Variants in EPCAM observed in about 807,000 individuals in gnomAD.
The protein encoded by EPCAM is epithelial cell adhesion molecule.
Under a neutral mutation model 40.0 loss-of-function variants are expected in EPCAM, and 39 were observed. The observed-to-expected ratio is 0.98, with a 90% CI of 0.76 to 1.27. EPCAM has a LOEUF of 1.27. EPCAM is among the 50% of genes most tolerant of loss of function. The pLI, the probability that EPCAM is intolerant of heterozygous loss-of-function variation, is 0.00. For missense variants in EPCAM, 503 were observed against 381.2 expected, an observed-to-expected ratio of 1.32 and a Z score of -2.66; for synonymous variants, 168 against 132.3, an observed-to-expected ratio of 1.27 and a Z score of -1.85.
At chr2:47,378,720 A>G (rs537985079) in intron 5 of EPCAM, among the ~76,000 whole-genome samples, 2 of 152,280 alleles carry the variant, frequency 1.3e-5, no homozygotes, top group East Asian at 1.9e-4. Context: ...AAAATTGTAC[A>G]TTGTAATTAT....
At chr2:47,380,398 A>AT (rs1165551282) in intron 7 of EPCAM, among the ~76,000 whole-genome samples, 1 of 152,150 alleles carries the variant, frequency 6.6e-6, no homozygotes, top group East Asian at 1.9e-4. Flanking sequence ...TTTTTAAATA[A>AT]TTTTTTTATG....
intron 7 of EPCAM, among the ~76,000 whole-genome samples, chr2:47,381,538 A>T (rs940229486): frequency 2.6e-5 from 4 of 151,924 alleles, no homozygotes. Flanking sequence ...TTCCTATTTC[A>T]CTCCACCAGG....
At chr2:47,384,099 A>G (rs1478289599) in intron 7 of EPCAM, among the ~76,000 whole-genome samples, 3 of 148,264 alleles carry the variant, frequency 2.0e-5, no homozygotes, top group Non-Finnish European at 4.5e-5. Flanking sequence ...GAAAGTTTTT[A>G]TTTTATTTTA....
At position 47,371,168 on chromosome 2, in the gene EPCAM, G is replaced by A. The variant is rs762830904; in HGVS notation, c.76+1587G>A. ...CCTTAAAAACAAGATTTAAAATGGT[G>A]ACTGGTATGTTGCACCGTTATTCAA... On this transcript the variant is annotated intron_variant, in intron 1 of 8. Transcript: ENST00000263735. Among the ~76,000 whole-genome samples, 4 of 151,450 alleles carry A rather than the reference G, an allele frequency of 2.6e-5. No individual in the cohort carries two copies. In the South Asian group the frequency reaches 8.3e-4, roughly 32 times the overall value.
intron 2 of EPCAM, 80 bp from the exon 3 acceptor site, chr2:47,373,728 G>A (rs1671345853): frequency 6.3e-6 from 10 of 1,582,354 alleles, no homozygotes; most frequent in Non-Finnish European, 8.7e-6. Context: ...TTTGACCCTG[G>A]AACTTTAGAG....
At chr2:47,378,333 C>T in intron 5 of EPCAM, among the ~76,000 whole-genome samples, 1 of 135,062 alleles carries the variant, frequency 7.4e-6, no homozygotes, top group South Asian at 2.3e-4. Context: ...CGGAGTTTCG[C>T]TCTTGTTGCC....
Position 47,386,641 on chromosome 2 carries a change from G to A in EPCAM, c.*28G>A, listed in dbSNP as rs766267508. 1.9e-5 allele frequency: 30 copies of A among 1,547,268 alleles called. No individual in the cohort carries two copies. Among genetic ancestry groups the A allele is most frequent in the Non-Finnish European group, 2.6e-5 (29 of 1,120,494 alleles). On this transcript the variant is annotated 3_prime_UTR_variant, in exon 9 of 9. Coordinates refer to ENST00000263735, the MANE Select transcript of EPCAM (RefSeq NM_002354.3). ...ATATAATTTGAAGATTATAGAAGAAGGGAAATAGCAAATGGACACAAATTA... is the reference window on the plus strand; with the variant it reads ...ATATAATTTGAAGATTATAGAAGAAAGGAAATAGCAAATGGACACAAATTA...
At chr2:47,377,649 C>G (rs1048832470) in intron 5 of EPCAM, 2 of 290,932 alleles carry the variant, frequency 6.9e-6, no homozygotes, top group Non-Finnish European at 1.4e-5. Flanking sequence ...GTTTTCTTAT[C>G]CTGGAGAACC....
chr2:47,381,737 A>T (rs1014708814), intron 7 of EPCAM, among the ~76,000 whole-genome samples: 59 of 152,324 alleles, frequency 3.9e-4, no homozygotes, highest in African/African-American at 1.3e-3. Context: ...AAGGCAAGAA[A>T]TCTGGAATCC....
intron 1 of EPCAM, among the ~76,000 whole-genome samples, chr2:47,373,219 A>AC (rs1371610056): frequency 1.3e-5 from 2 of 148,742 alleles, no homozygotes; most frequent in East Asian, 3.9e-4. Flanking sequence ...AAAAAAAAAA[A>AC]AAAAAAAAAA....
intron 7 of EPCAM, among the ~76,000 whole-genome samples, chr2:47,380,862 G>A (rs1158479942): frequency 6.6e-6 from 1 of 152,096 alleles, no homozygotes; most frequent in Non-Finnish European, 1.5e-5. Flanking sequence ...GCTGAGGCGG[G>A]TAGATCACTT....
At position 47,386,465 on chromosome 2, in the gene EPCAM, A is replaced by G; in HGVS notation, c.904-107A>G. On this transcript the variant is annotated intron_variant, in intron 8 of 8. Transcript: ENST00000263735. The stretch of plus-strand genomic sequence containing the variant: ...ATAAGTCTTATAAATGTGGGAAAAA[A>G]TTATCTTGTGTTCCTTTAATTTCAT... 4.7e-6 allele frequency: 4 copies of G among 847,942 alleles called. No homozygotes were observed. In the East Asian group the frequency reaches 8.0e-5, roughly 17 times the overall value. 52.5% of individuals were successfully genotyped at this position (847,942 alleles called of 1,614,324 possible). A position where few individuals can be genotyped will look rare whatever the true frequency, so the allele number is the denominator to read the frequency against.
At chr2:47,379,155 C>G in intron 6 of EPCAM, 101 bp downstream of exon 6, 1 of 747,896 alleles carries the variant, frequency 1.3e-6, no homozygotes, top group Non-Finnish European at 2.4e-6. Flanking sequence ...TACAGATCAA[C>G]CAAATGGTTC....
At chr2:47,372,463 A>G (rs941673455) in intron 1 of EPCAM, among the ~76,000 whole-genome samples, 3 of 150,432 alleles carry the variant, frequency 2.0e-5, no homozygotes, top group Non-Finnish European at 4.4e-5. Context: ...CATGGTGAAA[A>G]CCCGTCTCTA....
intron 5 of EPCAM, 23 bp downstream of exon 5, chr2:47,377,100 C>G: frequency 6.8e-7 from 1 of 1,465,566 alleles, no homozygotes; most frequent in Non-Finnish European, 9.6e-7. Flanking sequence ...AATAAGTGAG[C>G]TTTAGCAGAC....
chr2:47,377,228 TG>T (rs2103753859), intron 5 of EPCAM, 151 bp downstream of exon 5: 1 of 683,102 alleles, frequency 1.5e-6, no homozygotes, highest in East Asian at 2.6e-5. Context: ...TTCCTGTTAC[TG>T]TTTTTTTTTG....
At chr2:47,370,264 CTTTT>C (rs1014491457) in intron 1 of EPCAM, among the ~76,000 whole-genome samples, 2 of 152,092 alleles carry the variant, frequency 1.3e-5, no homozygotes, top group Non-Finnish European at 2.9e-5. Context: ...ATCTTTCTTT[CTTTT>C]TATTTATTTA....
chr2:47,369,330 G>A lies in EPCAM; in HGVS notation c.-176G>A. 7.6e-7 allele frequency: 1 copy of A among 1,321,042 alleles called. No homozygotes were observed. Among genetic ancestry groups the A allele is most frequent in the African/African-American group, 1.6e-5 (1 of 64,108 alleles). The allele number at this position is 1,321,042 out of a possible 1,614,324, so 81.8% of individuals were successfully genotyped here. On this transcript the variant is annotated 5_prime_UTR_variant, in exon 1 of 9. Transcript: ENST00000263735. ...GCGCGCACAGAGCGCTAGTCCTTCGGCGAGCGAGCACCTTCGACGCGGTCC... is the reference window on the plus strand; with the variant it reads ...GCGCGCACAGAGCGCTAGTCCTTCGACGAGCGAGCACCTTCGACGCGGTCC...
At chr2:47,375,361 A>G in intron 4 of EPCAM, 62 bp downstream of exon 4, 1 of 1,074,646 alleles carries the variant, frequency 9.3e-7, no homozygotes, top group South Asian at 1.3e-5. Context: ...TCCATCCTAC[A>G]CCATTAGAAA....
Sources: gnomAD v4.1 joint callset for allele counts (sites outside exome capture counted in the v4.1 genomes callset) on GRCh38, gnomAD v4.1.1 for gene constraint, MANE v1.5 for transcripts, NCBI Gene and HGNC (gene_info 2026-07-23, HGNC 2026-07-21) for gene names.